Variants in LAMA3 observed in about 807,000 individuals in gnomAD.
LAMA3 encodes the protein laminin subunit alpha-3.
A neutral mutation model predicts 402.0 loss-of-function variants in LAMA3; 281 were observed. That is an observed-to-expected ratio of 0.70 (90% CI 0.63 to 0.77). The LOEUF is 0.77. Ranked by LOEUF, LAMA3 falls within the 30% of genes least tolerant of loss-of-function variation. LAMA3 has a pLI of 0.00. For missense variants in LAMA3, 3,840 were observed against 4,215.5 expected (o/e 0.91, Z 2.47); for synonymous variants, 1,431 against 1,558.4 (o/e 0.92, Z 1.93).
chr18:23,954,902 G>T lies in LAMA3; in HGVS notation c.*254G>T. On this transcript the variant is annotated 3_prime_UTR_variant, in exon 75 of 75. Transcript: ENST00000313654. ...AAATTGTTATGCACAGAATGTTTTT[G>T]GTAATATTAATTTCCACTAAAAAAT... 13 of 438,258 alleles carry T rather than the reference G, an allele frequency of 3.0e-5. No homozygotes were observed. Among genetic ancestry groups the T allele is most frequent in the South Asian group, 1.6e-4 (5 of 31,964 alleles). 27.1% of individuals were successfully genotyped at this position (438,258 alleles called of 1,614,324 possible).
intron 67 of LAMA3, among the ~76,000 whole-genome samples, chr18:23,934,722 A>G (rs868379972): frequency 1.3e-5 from 2 of 152,372 alleles, no homozygotes; most frequent in Middle Eastern, 3.4e-3. Flanking sequence ...CTTATGCTGC[A>G]GTGCAGAAAG....
intron 9 of LAMA3, among the ~76,000 whole-genome samples, chr18:23,775,477 C>G (rs2062294347): frequency 6.6e-6 from 1 of 152,072 alleles, no homozygotes; most frequent in South Asian, 2.1e-4. Context: ...TACCCCCACC[C>G]CCACCCCCAA....
At chr18:23,804,987 A>T (rs1397941027) in intron 12 of LAMA3, among the ~76,000 whole-genome samples, 2 of 152,158 alleles carry the variant, frequency 1.3e-5, no homozygotes, top group East Asian at 3.8e-4. Context: ...TGCCAATTAA[A>T]TTTCTTTTCT....
chr18:23,763,598 G>T (rs2062018710), intron 8 of LAMA3, 75 bp downstream of exon 8: 1 of 945,162 alleles, frequency 1.1e-6, no homozygotes, highest in Non-Finnish European at 1.8e-6. Flanking sequence ...CTCCTGAAGA[G>T]ATGTCAAGAA....
At chr18:23,794,354 T>C (rs2144117202) in intron 12 of LAMA3, among the ~76,000 whole-genome samples, 1 of 152,358 alleles carries the variant, frequency 6.6e-6, no homozygotes, top group South Asian at 2.1e-4. Context: ...ACAAGGACTA[T>C]GGGAGTTACT....
chr18:23,825,926 C>T (rs1002892774), intron 21 of LAMA3, among the ~76,000 whole-genome samples: 17 of 152,152 alleles, frequency 1.1e-4, no homozygotes, highest in Non-Finnish European at 1.8e-4. Flanking sequence ...ACTAGTAGAA[C>T]AGTAACCCTT....
At chr18:23,753,909 T>TTGAGGACAGGAA in intron 6 of LAMA3, 97 bp downstream of exon 6, 1 of 815,482 alleles carries the variant, frequency 1.2e-6, no homozygotes. Context: ...TAGGTTCCTG[T>TTGAGGACAGGAA]CCTCAATAGG....
At chr18:23,818,149 C>T (rs555207872) in intron 18 of LAMA3, among the ~76,000 whole-genome samples, 33 of 152,190 alleles carry the variant, frequency 2.2e-4, no homozygotes, top group African/African-American at 6.7e-4. Context: ...AGTGAGACTC[C>T]GTCTTAAAAA....
Position 23,928,141 on chromosome 18 carries a change from T to G in LAMA3, c.8196T>G (p.Pro2732=), listed in dbSNP as rs1294078165. The G allele has an allele frequency of 6.2e-7, 1 of 1,613,346 alleles. No individual in the cohort carries two copies. The highest frequency in any genetic ancestry group is 1.1e-5 in the South Asian group (1 of 91,072). The part of the protein sequence containing the change: ...AIRERFNIST[P]AFRGCMKNLK... ...TAATCAGATTTAACATTTCTACGCC[T>G]GCTTTCCGAGGCTGCATGAAAAATT... Residue 2732 remains proline (P), a synonymous_variant, in exon 63 of 75, where the codon CCT becomes CCG. Coordinates refer to ENST00000313654, the MANE Select transcript of LAMA3 (RefSeq NM_198129.4).
At chr18:23,868,641 G>C (rs532217176) in intron 37 of LAMA3, among the ~76,000 whole-genome samples, 3 of 152,260 alleles carry the variant, frequency 2.0e-5, no homozygotes, top group South Asian at 2.1e-4. Context: ...AAACCTGTGA[G>C]CTTATAAATG....
chr18:23,748,673 T>C (rs1338602034), intron 3 of LAMA3, among the ~76,000 whole-genome samples: 4 of 151,620 alleles, frequency 2.6e-5, no homozygotes, highest in Admixed American at 6.6e-5. Flanking sequence ...TGTGCACCTG[T>C]GGTCCCAGCT....
At chr18:23,948,082 G>A (rs1339239638) in intron 70 of LAMA3, among the ~76,000 whole-genome samples, 1 of 152,144 alleles carries the variant, frequency 6.6e-6, no homozygotes, top group Non-Finnish European at 1.5e-5. Flanking sequence ...AAAGTGCTGG[G>A]ATTACAGGCG....
chr18:23,761,038 T>C (rs758305268), intron 7 of LAMA3, among the ~76,000 whole-genome samples: 2 of 152,218 alleles, frequency 1.3e-5, no homozygotes, highest in African/African-American at 2.4e-5. Flanking sequence ...AGAGAGCTAC[T>C]ATTAATATTT....
At chr18:23,790,120 T>C (rs555849003) in intron 12 of LAMA3, among the ~76,000 whole-genome samples, 1 of 152,318 alleles carries the variant, frequency 6.6e-6, no homozygotes, top group African/African-American at 2.4e-5. Context: ...ATTTCTTTAC[T>C]CTCAGCCTGG....
chr18:23,713,432 T>G (rs1279914716), intron 1 of LAMA3, among the ~76,000 whole-genome samples: 1 of 152,212 alleles, frequency 6.6e-6, no homozygotes, highest in Non-Finnish European at 1.5e-5. Context: ...ATCTACTCCA[T>G]GGAGGCACTT....
At chr18:23,931,399 G>A (rs1005016169) in intron 65 of LAMA3, 198 bp downstream of exon 65, 1 of 583,088 alleles carries the variant, frequency 1.7e-6, no homozygotes, top group African/African-American at 1.9e-5. Context: ...GCTCATGTCT[G>A]TAATCCCAAC....
intron 12 of LAMA3, among the ~76,000 whole-genome samples, chr18:23,790,501 A>G (rs2062628981): frequency 6.6e-6 from 1 of 152,242 alleles, no homozygotes; most frequent in Non-Finnish European, 1.5e-5. Flanking sequence ...GCTGTGCTAA[A>G]AGATCCTGAA....
At chr18:23,882,924 T>C (rs1015044484) in intron 40 of LAMA3, among the ~76,000 whole-genome samples, 1 of 152,182 alleles carries the variant, frequency 6.6e-6, no homozygotes, top group Admixed American at 6.5e-5. Context: ...GATGACATTT[T>C]CTGCAATAGG....
In LAMA3 at chr18:23,756,775, C is replaced by T. The variant is rs1458598076; in HGVS notation, c.948-1621C>T. Among the ~76,000 whole-genome samples the T allele has an allele frequency of 2.6e-5, 4 of 152,310 alleles. No homozygotes were observed. The East Asian group carries it at 7.7e-4, about 29-fold the overall frequency. Reference sequence around the variant, plus strand: ...CTACCAGCACACTTCACCTGAGCCACGGCATCCCAGGCTCGGGAGTGCCAA... The same window carrying T: ...CTACCAGCACACTTCACCTGAGCCATGGCATCCCAGGCTCGGGAGTGCCAA... On this transcript the variant is annotated intron_variant, in intron 6 of 74. Transcript: ENST00000313654.
Sources: allele counts gnomAD v4.1 joint callset (sites outside exome capture counted in the v4.1 genomes callset), GRCh38; gene constraint gnomAD v4.1.1; transcripts MANE v1.5; gene names NCBI Gene and HGNC (gene_info 2026-07-23, HGNC 2026-07-21).